SCAI: variants seen among roughly 807,000 people sequenced by gnomAD.
SCAI encodes the protein suppressor of cancer cell invasion, also known as protein SCAI.
In SCAI, 24 loss-of-function variants were observed where a neutral mutation model predicts 92.2. The ratio of observed to expected loss-of-function variants is 0.26; its 90% CI spans 0.19 to 0.37. SCAI has a LOEUF of 0.37. Among genes scored for constraint, SCAI ranks in the 10% least tolerant of loss-of-function variants. The pLI, the probability that SCAI is intolerant of heterozygous loss-of-function variation, is 1.00. For synonymous variants in SCAI, 261 were observed against 258.6 expected (o/e 1.01, Z -0.09); for missense variants, 450 against 736.2 (o/e 0.61, Z 4.50).
chr9:124,976,723 T>C (rs1286375763), intron 14 of SCAI, among the ~76,000 whole-genome samples: 5 of 152,180 alleles, frequency 3.3e-5, no homozygotes, highest in Non-Finnish European at 5.9e-5. Flanking sequence ...AAGGTATATC[T>C]ACAAGGGAAG....
intron 3 of SCAI, among the ~76,000 whole-genome samples, chr9:125,031,732 C>G (rs1442508484): frequency 6.6e-6 from 1 of 151,982 alleles, no homozygotes; most frequent in East Asian, 1.9e-4. Context: ...CCTATATTTC[C>G]TGGTTCACAT....
At chr9:125,007,492 C>G (rs1257928703) in intron 9 of SCAI, among the ~76,000 whole-genome samples, 1 of 152,042 alleles carries the variant, frequency 6.6e-6, no homozygotes, top group African/African-American at 2.4e-5. Context: ...AGTTTGAGAC[C>G]AGCCTTGGCA....
At chr9:125,086,830 T>C (rs1373350289) in intron 2 of SCAI, among the ~76,000 whole-genome samples, 1 of 152,226 alleles carries the variant, frequency 6.6e-6, no homozygotes, top group African/African-American at 2.4e-5. Context: ...TTGACCTCTT[T>C]GTGCTTCAAC....
chr9:125,020,319 G>A (rs1403446655), intron 7 of SCAI, among the ~76,000 whole-genome samples: 1 of 152,102 alleles, frequency 6.6e-6, no homozygotes, highest in Non-Finnish European at 1.5e-5. Flanking sequence ...CATTTGCAAG[G>A]CCTTTGTAAA....
chr9:125,039,248 G>A (rs949940627), intron 3 of SCAI, among the ~76,000 whole-genome samples: 41 of 152,006 alleles, frequency 2.7e-4, no homozygotes, highest in African/African-American at 8.9e-4. Flanking sequence ...TTAGCTAGGC[G>A]TGGTGGCATG....
chr9:125,102,417 C>T (rs72765280), intron 2 of SCAI, among the ~76,000 whole-genome samples: 20,236 of 152,028 alleles, frequency 0.13, 1,447 homozygotes, highest in East Asian at 0.23. Flanking sequence ...CTTACCCTCC[C>T]TCAGTCCTCC....
intron 15 of SCAI, among the ~76,000 whole-genome samples, chr9:124,974,537 CA>C (rs774055115): frequency 3.6e-4 from 55 of 152,060 alleles, no homozygotes; most frequent in Non-Finnish European, 6.9e-4. Flanking sequence ...GCTTACTGAT[CA>C]GCTAGTTTTG....
intron 17 of SCAI, among the ~76,000 whole-genome samples, chr9:124,961,480 T>A (rs1001104461): frequency 1.3e-5 from 2 of 151,176 alleles, no homozygotes; most frequent in African/African-American, 4.9e-5. Context: ...TGAAACTCCA[T>A]CTCTACTAAA....
intron 14 of SCAI, among the ~76,000 whole-genome samples, chr9:124,986,742 A>C (rs1588133713): frequency 6.6e-6 from 1 of 152,234 alleles, no homozygotes; most frequent in East Asian, 1.9e-4. Context: ...GACAGCAAAA[A>C]CAAAAAGGTC....
At chr9:125,108,557 A>G (rs1391520520) in intron 2 of SCAI, among the ~76,000 whole-genome samples, 2 of 128,806 alleles carry the variant, frequency 1.6e-5, no homozygotes, top group South Asian at 5.2e-4. Flanking sequence ...GTCTCTGCCC[A>G]GCCGCCCCGT....
chr9:124,968,441 T>C, intron 17 of SCAI: 1 of 1,040,534 alleles, frequency 9.6e-7, no homozygotes, highest in Non-Finnish European at 1.5e-6. Flanking sequence ...AACGCTTGAG[T>C]CCACTGGATG....
chr9:124,984,583 T>A (rs780962321), intron 14 of SCAI, among the ~76,000 whole-genome samples: 7 of 151,392 alleles, frequency 4.6e-5, no homozygotes, highest in Non-Finnish European at 8.8e-5. Context: ...AGGGGAGGAG[T>A]AGTCAAGTAC....
chr9:124,960,182 C>T (rs1320334154), intron 17 of SCAI, among the ~76,000 whole-genome samples: 1 of 152,122 alleles, frequency 6.6e-6, no homozygotes, highest in Admixed American at 6.5e-5. Flanking sequence ...TGTGCAAAGG[C>T]TTGTACAAGC....
chr9:125,034,993 T>A (rs1201957199), intron 3 of SCAI, among the ~76,000 whole-genome samples: 1 of 152,204 alleles, frequency 6.6e-6, no homozygotes, highest in Non-Finnish European at 1.5e-5. Context: ...GATTATAGCA[T>A]GGTAAATACA....
intron 17 of SCAI, among the ~76,000 whole-genome samples, chr9:124,960,602 C>T (rs538150992): frequency 3.3e-5 from 5 of 152,284 alleles, no homozygotes; most frequent in South Asian, 2.1e-4. Context: ...GTCAAGTTCA[C>T]GAACAGATGC....
chr9:125,025,549 T>C (rs1255964919), intron 6 of SCAI, among the ~76,000 whole-genome samples: 1 of 152,228 alleles, frequency 6.6e-6, no homozygotes, highest in Non-Finnish European at 1.5e-5. Flanking sequence ...TAAGATATAA[T>C]TTATCTCGCC....
rs889027870 is a variant in SCAI at position 124,948,769 on chromosome 9, G to T, written c.*4038C>A. Reference sequence around the variant, plus strand: ...GTTTACAGTGATAGTTAAGAGAGATGAGAGACTATCAGAATCTCCAGGGAC... The same window carrying T: ...GTTTACAGTGATAGTTAAGAGAGATTAGAGACTATCAGAATCTCCAGGGAC... On this transcript the variant is annotated 3_prime_UTR_variant, in exon 18 of 18. Coordinates refer to ENST00000336505, the MANE Select transcript of SCAI (RefSeq NM_001144877.3). The T allele has an allele frequency of 6.6e-6, 1 of 152,182 alleles. No homozygotes were observed. Among genetic ancestry groups the T allele is most frequent in the Admixed American group, 6.5e-5 (1 of 15,284 alleles). The allele number at this position is 152,182 out of a possible 1,614,324, so 9.4% of individuals were successfully genotyped here.
At chr9:125,064,356 C>T (rs551719440) in intron 2 of SCAI, among the ~76,000 whole-genome samples, 13 of 152,124 alleles carry the variant, frequency 8.5e-5, no homozygotes, top group Non-Finnish European at 1.5e-4. Flanking sequence ...CAATTCTAGA[C>T]GGGTGCCGTG....
chr9:124,997,427 G>T (rs2131625027), intron 13 of SCAI, among the ~76,000 whole-genome samples: 1 of 152,146 alleles, frequency 6.6e-6, no homozygotes, highest in African/African-American at 2.4e-5. Context: ...AAACACTTTT[G>T]GTCCCACATA....
Sources: allele counts gnomAD v4.1 joint callset (sites outside exome capture counted in the v4.1 genomes callset), GRCh38; gene constraint gnomAD v4.1.1; transcripts MANE v1.5; gene names NCBI Gene and HGNC (gene_info 2026-07-23, HGNC 2026-07-21).